ZRANB3: variants seen among roughly 807,000 people sequenced by gnomAD.
ZRANB3 encodes the protein zinc finger RANBP2-type containing 3, also known as DNA annealing helicase and endonuclease ZRANB3.
A neutral mutation model predicts 133.8 loss-of-function variants in ZRANB3; 125 were observed. The observed-to-expected ratio is 0.93, with a 90% CI of 0.81 to 1.08. ZRANB3 has a LOEUF of 1.08. ZRANB3 is among the 50% of genes least tolerant of loss of function. The pLI is 0.00. For missense variants in ZRANB3, 1,229 were observed against 1,275.5 expected, an observed-to-expected ratio of 0.96 and a Z score of 0.56; for synonymous variants, 387 against 432.7, an observed-to-expected ratio of 0.89 and a Z score of 1.31.
intron 3 of ZRANB3, among the ~76,000 whole-genome samples, chr2:135,379,577 G>A (rs905776607): frequency 1.6e-4 from 25 of 152,078 alleles, no homozygotes; most frequent in Admixed American, 1.6e-3. Context: ...ACAAGTGAAG[G>A]AGAAATAAAA....
At chr2:135,338,798 G>A (rs187616741) in intron 6 of ZRANB3, among the ~76,000 whole-genome samples, 1 of 152,162 alleles carries the variant, frequency 6.6e-6, no homozygotes, top group African/African-American at 2.4e-5. Context: ...GTGCATATGT[G>A]TGTATGTGTA....
At chr2:135,346,736 C>T (rs990744833) in intron 5 of ZRANB3, among the ~76,000 whole-genome samples, 2 of 152,186 alleles carry the variant, frequency 1.3e-5, no homozygotes, top group Non-Finnish European at 2.9e-5. Context: ...ATAGGCTACA[C>T]ACAGGACTGT....
intron 17 of ZRANB3, among the ~76,000 whole-genome samples, chr2:135,210,412 G>C (rs1431051964): frequency 1.3e-5 from 2 of 152,040 alleles, no homozygotes; most frequent in African/African-American, 4.8e-5. Context: ...TCAGCTCATT[G>C]CAACCTCCGC....
At chr2:135,444,858 A>T (rs757065633) in intron 2 of ZRANB3, among the ~76,000 whole-genome samples, 21 of 152,296 alleles carry the variant, frequency 1.4e-4, no homozygotes, top group Non-Finnish European at 2.6e-4. Context: ...GGAGGGTACA[A>T]TCAAAAAGAA....
At chr2:135,293,920 C>G (rs1273440427) in intron 8 of ZRANB3, among the ~76,000 whole-genome samples, 1 of 151,280 alleles carries the variant, frequency 6.6e-6, no homozygotes, top group African/African-American at 2.4e-5. Flanking sequence ...GTATGTTGAA[C>G]CAGCCTTGCT....
chr2:135,221,163 C>T (rs978268619), intron 15 of ZRANB3, among the ~76,000 whole-genome samples: 2 of 152,080 alleles, frequency 1.3e-5, no homozygotes, highest in African/African-American at 4.8e-5. Flanking sequence ...AGCCTTACTT[C>T]AGCTCTTTTA....
chr2:135,472,100 C>T (rs72986450), intron 2 of ZRANB3, among the ~76,000 whole-genome samples: 6,761 of 152,246 alleles, frequency 0.044, 504 homozygotes, highest in African/African-American at 0.16. Context: ...AACTTTATAT[C>T]TGATGGGAAA....
At chr2:135,407,168 T>C (rs1688077964) in intron 2 of ZRANB3, among the ~76,000 whole-genome samples, 1 of 152,138 alleles carries the variant, frequency 6.6e-6, no homozygotes, top group Admixed American at 6.5e-5. Context: ...AGCATTCTTA[T>C]ACACCAATAA....
At chr2:135,313,354 A>C (rs1683094918) in intron 8 of ZRANB3, 135 bp downstream of exon 8, 1 of 140,646 alleles carries the variant, frequency 7.1e-6, no homozygotes, top group Admixed American at 7.5e-5. Context: ...CTCCCAACTC[A>C]AAAAAAAAAA....
intron 1 of ZRANB3, among the ~76,000 whole-genome samples, chr2:135,528,252 G>A (rs1320993383): frequency 2.0e-5 from 3 of 151,818 alleles, no homozygotes; most frequent in South Asian, 2.1e-4. Flanking sequence ...GGGCCCCAGC[G>A]ATTCCCTCAC....
intron 3 of ZRANB3, among the ~76,000 whole-genome samples, chr2:135,382,252 G>A (rs1402056767): frequency 6.6e-6 from 1 of 152,130 alleles, no homozygotes; most frequent in Non-Finnish European, 1.5e-5. Flanking sequence ...AGTGATGGAA[G>A]ATCAAATGAA....
At chr2:135,522,895 G>T (rs6430578) in intron 1 of ZRANB3, among the ~76,000 whole-genome samples, 152,274 of 152,290 alleles carry the variant, frequency 1, 76,129 homozygotes, top group Middle Eastern at 1. Context: ...ATCAGATTGC[G>T]ATTTTACAAA....
At chr2:135,270,479 T>A (rs1680461733) in intron 10 of ZRANB3, among the ~76,000 whole-genome samples, 1 of 152,180 alleles carries the variant, frequency 6.6e-6, no homozygotes, top group Admixed American at 6.5e-5. Flanking sequence ...AAGTGCCCCA[T>A]ACATTATTAA....
chr2:135,387,248 A>G (rs1034596725), intron 3 of ZRANB3, among the ~76,000 whole-genome samples: 6 of 152,162 alleles, frequency 3.9e-5, no homozygotes, highest in Non-Finnish European at 8.8e-5. Context: ...ATGAAAATCT[A>G]TTTTTAATTT....
At chr2:135,316,978 A>AT (rs1350294828) in intron 6 of ZRANB3, among the ~76,000 whole-genome samples, 6 of 144,820 alleles carry the variant, frequency 4.1e-5, no homozygotes, top group African/African-American at 1.6e-4. Flanking sequence ...AAAAAAAAAA[A>AT]AAAAAATATA....
intron 2 of ZRANB3, among the ~76,000 whole-genome samples, chr2:135,401,761 G>A (rs1244681905): frequency 6.6e-6 from 1 of 152,086 alleles, no homozygotes; most frequent in African/African-American, 2.4e-5. Context: ...GAAAGGTGTG[G>A]CTCTAAACTC....
intron 3 of ZRANB3, among the ~76,000 whole-genome samples, chr2:135,378,805 G>C (rs915281596): frequency 6.6e-6 from 1 of 152,086 alleles, no homozygotes; most frequent in Non-Finnish European, 1.5e-5. Context: ...TTCCAATTAA[G>C]GGACATGCTA....
chr2:135,321,605 C>A (rs1683530495), intron 6 of ZRANB3, among the ~76,000 whole-genome samples: 1 of 151,828 alleles, frequency 6.6e-6, no homozygotes, highest in Non-Finnish European at 1.5e-5. Flanking sequence ...TCCTGAGTAG[C>A]TAGGACTACA....
chr2:135,227,920 A>G lies in ZRANB3; in HGVS notation c.2050T>C (p.Cys684Arg). The change falls in exon 14 of 21, where the codon TGT (cysteine) becomes CGT (arginine). Residue 684 changes from cysteine to arginine, a missense_variant. Cys to Arg is a radical substitution (Grantham distance 180, BLOSUM62 -3). Transcript: ENST00000264159. Reference sequence around the variant, plus strand: ...GACTGTGCAAGGGCTTGTTTTTCACAGTCTGAGATAGTTTGAACCTTTTTG... The same window carrying G: ...GACTGTGCAAGGGCTTGTTTTTCACGGTCTGAGATAGTTTGAACCTTTTTG... ...TSKKVQTISD[C>R]EKQALAQSEP... The G allele has an allele frequency of 6.4e-7, 1 of 1,556,652 alleles. No individual in the cohort carries two copies. The highest frequency in any genetic ancestry group is 1.2e-5 in the South Asian group (1 of 84,310).
Sources: gnomAD v4.1 joint callset for allele counts (sites outside exome capture counted in the v4.1 genomes callset) on GRCh38, gnomAD v4.1.1 for gene constraint, MANE v1.5 for transcripts, NCBI Gene and HGNC (gene_info 2026-07-23, HGNC 2026-07-21) for gene names.